Variants in SKAP2 observed in about 807,000 individuals in gnomAD.
SKAP2 encodes the protein src kinase-associated phosphoprotein 2.
SKAP2 carries 28 observed loss-of-function variants against 54.9 expected under a neutral mutation model. The observed-to-expected ratio is 0.51, with a 90% confidence interval of 0.38 to 0.70. The LOEUF is 0.70. Among genes scored for constraint, SKAP2 ranks in the 30% least tolerant of loss-of-function variants. The probability of loss-of-function intolerance (pLI) is 0.00; values close to 1 mark genes in which losing one functional copy is unlikely to be tolerated. For synonymous variants in SKAP2, 137 were observed against 134.3 expected, an observed-to-expected ratio of 1.02 and a Z score of -0.14; for missense variants, 356 against 424.1, an observed-to-expected ratio of 0.84 and a Z score of 1.41.
chr7:26,665,326 T>G (rs139702310), downstream of SKAP2, among the ~76,000 whole-genome samples: 1 of 152,266 alleles, frequency 6.6e-6, no homozygotes, highest in African/African-American at 2.4e-5. Flanking sequence ...CTAAGGACAA[T>G]GTACCACAAC....
At chr7:26,754,544 T>C (rs1345655559) in intron 4 of SKAP2, among the ~76,000 whole-genome samples, 7 of 152,226 alleles carry the variant, frequency 4.6e-5, no homozygotes, top group Non-Finnish European at 8.8e-5. Context: ...CAATCGTACA[T>C]GGTCTCTTTT....
chr7:26,716,563 T>G (rs1005570501), intron 9 of SKAP2, among the ~76,000 whole-genome samples: 4 of 152,246 alleles, frequency 2.6e-5, no homozygotes, highest in Non-Finnish European at 5.9e-5. Flanking sequence ...AACATTTATT[T>G]TAATAGACTA....
intron 3 of SKAP2, among the ~76,000 whole-genome samples, chr7:26,851,835 T>C (rs183186774): frequency 1.8e-4 from 28 of 152,112 alleles, no homozygotes; most frequent in Admixed American, 9.8e-4. Context: ...GGAAGGATGA[T>C]ACACATCTGT....
chr7:26,673,185 C>T lies in SKAP2; in HGVS notation c.988-2993G>A, dbSNP rs1201102860. ...TCTAAATCTTTGAAATGTTAGGAAG[C>T]ATCATGTAATCTTTATGGAACACAA... On this transcript the variant is annotated intron_variant, in intron 11 of 12. Coordinates refer to ENST00000345317, the MANE Select transcript of SKAP2 (RefSeq NM_003930.5). Among the ~76,000 whole-genome samples, 4 of 152,028 alleles carry T rather than the reference C, an allele frequency of 2.6e-5. No homozygotes were observed. In the East Asian group the frequency reaches 7.7e-4, roughly 29 times the overall value.
chr7:26,794,057 T>C (rs981338037), intron 4 of SKAP2, among the ~76,000 whole-genome samples: 2 of 152,180 alleles, frequency 1.3e-5, no homozygotes, highest in Non-Finnish European at 2.9e-5. Context: ...CATAACAAAT[T>C]AAAAGCAAAC....
At chr7:26,660,344 T>A in the SKAP2 span, among the ~76,000 whole-genome samples, 3 of 152,116 alleles carry the variant, frequency 2.0e-5, no homozygotes, top group African/African-American at 7.2e-5. Context: ...GAGAATAATC[T>A]TCTAGCATGA....
At chr7:26,781,206 C>T (rs969150130) in intron 4 of SKAP2, among the ~76,000 whole-genome samples, 17 of 152,270 alleles carry the variant, frequency 1.1e-4, no homozygotes, top group African/African-American at 4.1e-4. Flanking sequence ...ATGTGACCCT[C>T]TTACACTATG....
chr7:26,838,168 C>G (rs1405148294), intron 4 of SKAP2, among the ~76,000 whole-genome samples: 4 of 152,158 alleles, frequency 2.6e-5, no homozygotes, highest in African/African-American at 7.2e-5. Context: ...CAATATCCCT[C>G]AAATCTGCAT....
At chr7:26,736,680 C>T (rs1026081933) in intron 6 of SKAP2, among the ~76,000 whole-genome samples, 10 of 152,180 alleles carry the variant, frequency 6.6e-5, no homozygotes, top group Admixed American at 6.5e-4. Context: ...CAAGAACCCT[C>T]TCCTGGGGTC....
chr7:26,684,382 A>T (rs544929545), intron 11 of SKAP2, among the ~76,000 whole-genome samples: 5 of 152,314 alleles, frequency 3.3e-5, no homozygotes, highest in Admixed American at 6.5e-5. Context: ...CAGAATAAGC[A>T]CACAGAAGAA....
intron 9 of SKAP2, among the ~76,000 whole-genome samples, chr7:26,704,441 T>G (rs991515337): frequency 3.9e-5 from 6 of 152,196 alleles, no homozygotes; most frequent in Non-Finnish European, 5.9e-5. Flanking sequence ...CAGATATGAC[T>G]GCAGTAAGAC....
chr7:26,774,511 G>GTGTGTA (rs1491043887), intron 4 of SKAP2, among the ~76,000 whole-genome samples: 1 of 151,722 alleles, frequency 6.6e-6, no homozygotes, highest in Admixed American at 6.6e-5. Context: ...GTGTGTGTGT[G>GTGTGTA]TGTGTGTATG....
downstream of SKAP2, among the ~76,000 whole-genome samples, chr7:26,665,828 A>C (rs1786097028): frequency 6.6e-6 from 1 of 152,180 alleles, no homozygotes. Flanking sequence ...CTTGTTCCCA[A>C]TCCAGAGTAT....
chr7:26,818,824 C>T (rs1454067741), intron 4 of SKAP2, among the ~76,000 whole-genome samples: 1 of 152,138 alleles, frequency 6.6e-6, no homozygotes, highest in South Asian at 2.1e-4. Context: ...TGAAGGAAAG[C>T]TCATCATCAC....
intron 9 of SKAP2, among the ~76,000 whole-genome samples, chr7:26,720,051 AACACACACACACACACACACAC>A (rs57945020): frequency 2.8e-5 from 4 of 141,718 alleles, no homozygotes; most frequent in African/African-American, 1.1e-4. Context: ...ACATATCTGT[AACACACACACACACACACACAC>A]ACACACACAC....
At chr7:26,824,125 T>C (rs1337364427) in intron 4 of SKAP2, among the ~76,000 whole-genome samples, 2 of 152,202 alleles carry the variant, frequency 1.3e-5, no homozygotes, top group African/African-American at 2.4e-5. Flanking sequence ...AATCAATTCA[T>C]TGCTGTCTTT....
At chr7:26,670,484 ACTCT>A (rs774050534) in intron 11 of SKAP2, among the ~76,000 whole-genome samples, 2 of 151,836 alleles carry the variant, frequency 1.3e-5, no homozygotes, top group African/African-American at 4.8e-5. Flanking sequence ...TCTCGGGGAC[ACTCT>A]CTCTCTCCAC....
intron 4 of SKAP2, among the ~76,000 whole-genome samples, chr7:26,764,483 C>G (rs1783002838): frequency 6.6e-6 from 1 of 151,964 alleles, no homozygotes; most frequent in South Asian, 2.1e-4. Flanking sequence ...TTCTATTATT[C>G]ATTTTAATAA....
At chr7:26,714,058 C>T (rs1787372198) in intron 9 of SKAP2, among the ~76,000 whole-genome samples, 1 of 152,122 alleles carries the variant, frequency 6.6e-6, no homozygotes, top group African/African-American at 2.4e-5. Context: ...ACTGGTGACT[C>T]TGAAGAAGCT....
Sources: gnomAD v4.1 joint callset for allele counts (sites outside exome capture counted in the v4.1 genomes callset) on GRCh38, gnomAD v4.1.1 for gene constraint, MANE v1.5 for transcripts, NCBI Gene and HGNC (gene_info 2026-07-23, HGNC 2026-07-21) for gene names.